Variants in SON observed in about 807,000 individuals in gnomAD.
SON encodes SON DNA and RNA binding protein.
SON carries 4 observed loss-of-function variants against 173.3 expected under a neutral mutation model. The ratio of observed to expected loss-of-function variants is 0.02; its 90% CI spans 0.01 to 0.05. The LOEUF (loss-of-function observed/expected upper bound fraction) is 0.05, where lower values mean the gene tolerates loss of function less well. Among genes scored for constraint, SON ranks in the 10% least tolerant of loss-of-function variants. The pLI is 1.00. For synonymous variants in SON, 1,190 were observed against 1,105.9 expected (o/e 1.08, Z -1.51); for missense variants, 2,626 against 3,055.3 (o/e 0.86, Z 3.31).
At position 33,573,461 on chromosome 21, in the gene SON, A is replaced by G. The variant is rs2145883425; in HGVS notation, c.7033+6A>G. 6.2e-7 allele frequency: 1 copy of G among 1,605,862 alleles called. No homozygotes were observed. Among genetic ancestry groups the G allele is most frequent in the East Asian group, 2.2e-5 (1 of 44,810 alleles). On this transcript the variant is annotated splice_donor_region_variant and intron_variant, in intron 9 of 11. Coordinates refer to ENST00000356577, the MANE Select transcript of SON (RefSeq NM_138927.4). ...TTTTAAGACAGACCGAAAAGGTAAC[A>G]AGTTCTTTTTTGGAATGTTTATTAA...
chr21:33,576,366 T>G lies in SON; in HGVS notation c.7223T>G (p.Val2408Gly). 7.7e-7 allele frequency: 1 copy of G among 1,292,654 alleles called. No homozygotes were observed. The highest frequency in any genetic ancestry group is 1.1e-6 in the Non-Finnish European group (1 of 886,532). 80.1% of individuals were successfully genotyped at this position (1,292,654 alleles called of 1,614,324 possible). Reference sequence around the variant, plus strand: ...TTATTGTATGTTTTTCTTGAATAGGTATTGAGAAATGGAGCCCTTACCAGA... The same window carrying G: ...TTATTGTATGTTTTTCTTGAATAGGGATTGAGAAATGGAGCCCTTACCAGA... ...PDHRKHFLFR[V>G]LRNGALTRPN... The change falls in exon 12 of 12, where the codon GTA (valine) becomes GGA (glycine). Residue 2408 changes from valine to glycine, a missense_variant and splice_region_variant. Coordinates refer to ENST00000356577, the MANE Select transcript of SON (RefSeq NM_138927.4).
At chr21:33,575,459 G>A (rs2086379205) in intron 9 of SON, 137 bp from the exon 10 acceptor site, 3 of 517,088 alleles carry the variant, frequency 5.8e-6, no homozygotes, top group Non-Finnish European at 1.0e-5. Flanking sequence ...AGAGAAGATT[G>A]ATAGAGAAAT....
chr21:33,561,164 C>G (rs899753089), intron 6 of SON, among the ~76,000 whole-genome samples: 2 of 152,112 alleles, frequency 1.3e-5, no homozygotes, highest in African/African-American at 4.8e-5. Context: ...TCTGTATTCC[C>G]ATGGGATTCA....
chr21:33,573,206 T>A, intron 8 of SON, 102 bp from the exon 9 acceptor site: 1 of 933,590 alleles, frequency 1.1e-6, no homozygotes, highest in South Asian at 1.6e-5. Flanking sequence ...ATAACAGATC[T>A]AGAAGTAAAG....
At chr21:33,543,638 G>A (rs1026307735) in intron 1 of SON, 1 of 202,338 alleles carries the variant, frequency 4.9e-6, no homozygotes, top group Non-Finnish European at 1.0e-5. Context: ...ATTATTGCGA[G>A]CTTCAGACCG....
chr21:33,574,931 C>T (rs972381966), intron 9 of SON, among the ~76,000 whole-genome samples: 5 of 152,182 alleles, frequency 3.3e-5, no homozygotes, highest in African/African-American at 1.2e-4. Context: ...TTGGAGACAA[C>T]CGTTTTCACC....
At chr21:33,544,930 A>C (rs1483873034) in intron 1 of SON, among the ~76,000 whole-genome samples, 1 of 152,220 alleles carries the variant, frequency 6.6e-6, no homozygotes, top group Non-Finnish European at 1.5e-5. Context: ...TTACTAGAGG[A>C]ATATGCAGCT....
rs2085875494 is a variant in SON at position 33,553,677 on chromosome 21, T to C, written c.4446T>C (p.His1482=). The C allele has an allele frequency of 6.2e-7, 1 of 1,613,970 alleles. No homozygotes were observed. The highest frequency in any genetic ancestry group is 8.5e-7 in the Non-Finnish European group (1 of 1,179,986). The change falls in exon 3 of 12, where the codon CAT becomes CAC. Residue 1482 remains histidine (H), a synonymous_variant. Transcript: ENST00000356577. ...MILESSIMSS[H]VMKGINLSSG... is the part of the protein sequence containing the mutation. ...TGGAATCTAGTATCATGTCATCACA[T>C]GTTATGAAAGGAATTAATCTATCCT... is the stretch of plus-strand genomic sequence containing the variant.
In SON at chr21:33,550,839, G is replaced by T. The variant is rs139754407; in HGVS notation, c.1608G>T (p.Leu536Phe). The T allele has an allele frequency of 1.2e-6, 2 of 1,613,646 alleles. No homozygotes were observed. The highest frequency in any genetic ancestry group is 1.3e-5 in the African/African-American group (1 of 74,918). ...CTGAGGTGACAACGGCAACAGGGTT[G>T]CTGGGGCAGCCTGAGGCAACGATGG... ...GHPEVTTATG[L>F]LGQPEATMVL... The change falls in exon 3 of 12, where the codon TTG becomes TTT. Residue 536 changes from leucine to phenylalanine, a missense_variant. Leu to Phe is a conservative substitution (Grantham distance 22, BLOSUM62 0). Transcript: ENST00000356577.
chr21:33,573,424 C>A lies in SON; in HGVS notation c.7002C>A (p.Pro2334=). Residue 2334 remains proline, a synonymous_variant, in exon 9 of 12, where the codon CCC becomes CCA. Coordinates refer to ENST00000356577, the MANE Select transcript of SON (RefSeq NM_138927.4). The stretch of plus-strand genomic sequence containing the variant: ...AAAACAAAGAAGGCAATAAGGAACC[C>A]ATCCTAGTTGATTTTAAGACAGACC... The part of the protein sequence containing the change: ...LGKNKEGNKE[P]ILVDFKTDRK... 1.9e-6 allele frequency: 3 copies of A among 1,613,426 alleles called. No individual in the cohort carries two copies. The highest frequency in any genetic ancestry group is 2.5e-6 in the Non-Finnish European group (3 of 1,179,532).
rs1036559926 is a variant in SON at position 33,546,101 on chromosome 21, A to G, written c.78-112A>G. The stretch of plus-strand genomic sequence containing the variant: ...TAGTGGTGAATATCTAAAATAGGAA[A>G]AAGGTAAAACATCTGACAGTCAGTA... On this transcript the variant is annotated intron_variant, in intron 1 of 11. Coordinates refer to ENST00000356577, the MANE Select transcript of SON (RefSeq NM_138927.4). The G allele has an allele frequency of 4.8e-5, 41 of 853,606 alleles. No individual in the cohort carries two copies. In the African/African-American group the frequency reaches 6.2e-4, roughly 13 times the overall value. The allele number at this position is 853,606 out of a possible 1,614,324, so 52.9% of individuals were successfully genotyped here.
intron 1 of SON, among the ~76,000 whole-genome samples, chr21:33,544,219 A>G (rs2085552252): frequency 6.6e-6 from 1 of 152,252 alleles, no homozygotes; most frequent in Admixed American, 6.5e-5. Context: ...TATTAGGGCA[A>G]TGATGTATTA....
intron 6 of SON, among the ~76,000 whole-genome samples, chr21:33,565,137 AAGAG>A (rs1308811650): frequency 1.3e-5 from 2 of 152,190 alleles, no homozygotes; most frequent in African/African-American, 2.4e-5. Flanking sequence ...AATAAAGGCT[AAGAG>A]AGAAGAACAT....
At position 33,553,374 on chromosome 21, in the gene SON, A is replaced by G. The variant is rs141614850; in HGVS notation, c.4143A>G (p.Val1381=). 19 of 1,610,876 alleles carry G rather than the reference A, an allele frequency of 1.2e-5. No individual in the cohort carries two copies. Among genetic ancestry groups the G allele is most frequent in the Admixed American group, 3.3e-5 (2 of 59,862 alleles). The change falls in exon 3 of 12, where the codon GTA becomes GTG. Residue 1381 remains valine, a synonymous_variant. Transcript: ENST00000356577. ...TGACTGTCCTGGAGTCTTCGACTGT[A>G]ACTGTCCTGGAGCCTTCGGTTGTGA... ...STVTVLESST[V]TVLEPSVVTV...
Position 33,554,733 on chromosome 21 carries a change from C to T in SON, c.5502C>T (p.His1834=). Residue 1834 remains histidine, a synonymous_variant, in exon 3 of 12, where the codon CAC becomes CAT. Transcript: ENST00000356577. The stretch of plus-strand genomic sequence containing the variant: ...GTAAGCGTTCCAAATCTTCTGAACA[C>T]AAATCACGCAAGCGTACCAGTGAAT... ...SRSKRSKSSE[H]KSRKRTSESR... is the part of the protein sequence containing the mutation. The T allele has an allele frequency of 1.9e-6, 3 of 1,613,834 alleles. No homozygotes were observed. The South Asian group carries it at 3.3e-5, about 18-fold the overall frequency.
rs146640501 is a variant in SON, at chr21:33,552,585, T to C, written c.3354T>C (p.Tyr1118=). 27 of 1,614,176 alleles carry C rather than the reference T, an allele frequency of 1.7e-5. No homozygotes were observed. In the East Asian group the frequency reaches 3.6e-4, roughly 21 times the overall value. The stretch of plus-strand genomic sequence containing the variant: ...CTGACCGATCTATGATGTCATCTTA[T>C]ACTGCTGATCGTTCAATGATGTCTA... The part of the protein sequence containing the change: ...SAADRSMMSS[Y]TADRSMMSMA... Residue 1118 remains tyrosine (Y), a synonymous_variant, in exon 3 of 12, where the codon TAT becomes TAC. Transcript: ENST00000356577. The surrounding 1 kb of genome is among the most constrained non-coding windows in gnomAD (Gnocchi z 5.6).
intron 1 of SON, among the ~76,000 whole-genome samples, chr21:33,545,017 T>C (rs1011042756): frequency 9.2e-5 from 14 of 152,218 alleles, no homozygotes; most frequent in Admixed American, 2.6e-4. Context: ...CTGTTTTTTT[T>C]CTCATCTGCT....
rs1387328599 is a variant in SON, at chr21:33,554,197, G to A, written c.4966G>A (p.Glu1656Lys). The A allele has an allele frequency of 6.2e-7, 1 of 1,614,152 alleles. No homozygotes were observed. Among genetic ancestry groups the A allele is most frequent in the Non-Finnish European group, 8.5e-7 (1 of 1,180,016 alleles). Residue 1656 changes from glutamate to lysine, a missense_variant, in exon 3 of 12, where the codon GAA becomes AAA. Physicochemically the swap from Glu to Lys is moderately conservative, Grantham distance 56 (BLOSUM62 1). Transcript: ENST00000356577. ...SPSGGSEADI[E>K]GPLPAKDIHL... The stretch of plus-strand genomic sequence containing the variant: ...TAGTGGTGGTAGTGAAGCTGACATT[G>A]AAGGGCCTTTGCCTGCTAAAGATAT...
chr21:33,552,788 A>G lies in SON; in HGVS notation c.3557A>G (p.Gln1186Arg), dbSNP rs760840660. The stretch of plus-strand genomic sequence containing the variant: ...GAGGGTCCAGCATTGCCCACTGAGC[A>G]GTCAGCATTAACAGCTGAAAATACT... ...PPEGPALPTE[Q>R]SALTAENTWP... Residue 1186 changes from glutamine to arginine, a missense_variant, in exon 3 of 12, where the codon CAG becomes CGG. Physicochemically the swap from Gln to Arg is conservative, Grantham distance 43. Transcript: ENST00000356577. This position sits in a 1 kb window ranked among gnomAD's most constrained non-coding sequence, Gnocchi z 5.6. 6.2e-7 allele frequency: 1 copy of G among 1,613,888 alleles called. No homozygotes were observed. The highest frequency in any genetic ancestry group is 1.1e-5 in the South Asian group (1 of 91,082).
Sources: gnomAD v4.1 joint callset for allele counts (sites outside exome capture counted in the v4.1 genomes callset) on GRCh38, gnomAD v4.1.1 for gene constraint, Gnocchi (gnomAD v3.1) non-coding constraint, MANE v1.5 for transcripts, NCBI Gene and HGNC (gene_info 2026-07-23, HGNC 2026-07-21) for gene names.